Variants in REV3L observed in about 807,000 individuals in gnomAD.
The protein encoded by REV3L is REV3 like, DNA directed polymerase zeta catalytic subunit, also known as DNA polymerase zeta catalytic subunit.
REV3L carries 69 observed loss-of-function variants against 299.4 expected under a neutral mutation model. The observed-to-expected ratio is 0.23, with a 90% CI of 0.19 to 0.28. The LOEUF (loss-of-function observed/expected upper bound fraction) is 0.28. Ranked by LOEUF, REV3L falls within the 10% of genes least tolerant of loss-of-function variation. The probability of loss-of-function intolerance (pLI) is 1.00; values close to 1 mark genes in which losing one functional copy is unlikely to be tolerated. For missense variants in REV3L, 3,128 were observed against 3,693.8 expected (o/e 0.85, Z 3.97); for synonymous variants, 1,238 against 1,271.4 (o/e 0.97, Z 0.56).
chr6:111,393,651 G>T (rs1021754274), intron 4 of REV3L, among the ~76,000 whole-genome samples: 1 of 151,872 alleles, frequency 6.6e-6, no homozygotes, highest in East Asian at 1.9e-4. Flanking sequence ...TATCTTCCTG[G>T]AACCCTTCCC....
intron 31 of REV3L, among the ~76,000 whole-genome samples, chr6:111,300,783 G>A (rs17511581): frequency 7.9e-4 from 120 of 152,148 alleles, no homozygotes; most frequent in South Asian, 4.2e-4. Context: ...CGTCATCTCC[G>A]TAAGCTGAGG....
chr6:111,392,024 T>C (rs192544810), intron 5 of REV3L, among the ~76,000 whole-genome samples: 53 of 152,350 alleles, frequency 3.5e-4, no homozygotes, highest in African/African-American at 1.2e-3. Flanking sequence ...TCTTCATTCA[T>C]ACAATTTAAC....
chr6:111,306,338 A>C (rs1053623981), intron 31 of REV3L, among the ~76,000 whole-genome samples: 3 of 152,184 alleles, frequency 2.0e-5, no homozygotes, highest in African/African-American at 7.2e-5. Context: ...CACAGACCTA[A>C]GAGAAGTTCA....
At chr6:111,395,155 T>G (rs774634410) in intron 4 of REV3L, among the ~76,000 whole-genome samples, 7 of 152,218 alleles carry the variant, frequency 4.6e-5, no homozygotes, top group Non-Finnish European at 7.3e-5. Flanking sequence ...TGTCTCCAAC[T>G]GTTCTTTTTG....
At chr6:111,454,814 G>A (rs1789982282) in intron 1 of REV3L, among the ~76,000 whole-genome samples, 2 of 152,078 alleles carry the variant, frequency 1.3e-5, no homozygotes, top group Admixed American at 6.6e-5. Flanking sequence ...TTACAGGCAT[G>A]TACCACCACA....
chr6:111,377,822 G>A lies in REV3L; in HGVS notation c.1476C>T (p.His492=). ...AGTCATCATCTTCAGTTGAACTTCT[G>A]TGGGTATTTCTGCACAGTGATCTGG... is the stretch of plus-strand genomic sequence containing the variant. ...AKKRSLCRNT[H]RSSTEDDDSS... is the part of the protein sequence containing the mutation. Residue 492 remains histidine (H), a synonymous_variant, in exon 12 of 32, where the codon CAC becomes CAT. Transcript: ENST00000368802. 2 of 1,612,768 alleles carry A rather than the reference G, an allele frequency of 1.2e-6. No homozygotes were observed. The highest frequency in any genetic ancestry group is 1.1e-5 in the South Asian group (1 of 90,848).
intron 26 of REV3L, among the ~76,000 whole-genome samples, chr6:111,322,266 T>A (rs1774268360): frequency 1.3e-5 from 2 of 152,196 alleles, no homozygotes; most frequent in Admixed American, 1.3e-4. Context: ...TTAAAAGTAG[T>A]TTCTTTAAAT....
intron 1 of REV3L, among the ~76,000 whole-genome samples, chr6:111,464,710 A>G (rs139334868): frequency 6.6e-6 from 1 of 152,320 alleles, no homozygotes; most frequent in Non-Finnish European, 1.5e-5. Context: ...TTTTCCAAAA[A>G]GGAAAACAGG....
chr6:111,403,008 G>A (rs1783245019), intron 4 of REV3L, among the ~76,000 whole-genome samples: 1 of 152,140 alleles, frequency 6.6e-6, no homozygotes, highest in Admixed American at 6.5e-5. Context: ...TCCATTAACT[G>A]GGATAGGAAT....
chr6:111,338,697 G>T (rs888176556), intron 21 of REV3L, among the ~76,000 whole-genome samples: 1 of 151,846 alleles, frequency 6.6e-6, no homozygotes. Context: ...AATCTTAAAG[G>T]TTCCTGATTT....
intron 1 of REV3L, among the ~76,000 whole-genome samples, chr6:111,440,379 G>GA (rs748869135): frequency 1.1e-4 from 16 of 152,192 alleles, no homozygotes; most frequent in Non-Finnish European, 1.5e-4. Flanking sequence ...CCAAAGCAAA[G>GA]ATTTTTATGC....
rs749743739 is a variant in REV3L at position 111,299,997 on chromosome 6, A to G, written c.*19T>C. ...AGCACTGAAAAAAATAGCACCTGTA[A>G]TACTGTGATATTGACAATTTAAAAC... On this transcript the variant is annotated 3_prime_UTR_variant, in exon 32 of 32. Coordinates refer to ENST00000368802, the MANE Select transcript of REV3L (RefSeq NM_001372078.1). The G allele has an allele frequency of 1.5e-5, 24 of 1,607,032 alleles. No individual in the cohort carries two copies. The highest frequency in any genetic ancestry group is 1.9e-5 in the Non-Finnish European group (22 of 1,177,104).
In REV3L at chr6:111,392,888, T is replaced by C; in HGVS notation, c.650A>G (p.Asp217Gly). The part of the protein sequence containing the change: ...LADTLFRWEQ[D>G]EIPSSLILEG... Reference sequence around the variant, plus strand: ...AACATTAACTAACCTTGGTATTTCATCTTGTTCCCACCGAAATAAAGTATC... The same window carrying C: ...AACATTAACTAACCTTGGTATTTCACCTTGTTCCCACCGAAATAAAGTATC... Residue 217 changes from aspartate (D) to glycine (G), a missense_variant, in exon 5 of 32, where the codon GAT (aspartate) becomes GGT (glycine). Physicochemically the swap from Asp to Gly is moderately conservative, Grantham distance 94. Around this residue, in one of 9 missense-constraint regions of REV3L, gnomAD observed 2,409 missense variants for 2,611.8 expected, o/e 0.92. Transcript: ENST00000368802. 6.2e-7 allele frequency: 1 copy of C among 1,607,624 alleles called. No homozygotes were observed. The highest frequency in any genetic ancestry group is 8.5e-7 in the Non-Finnish European group (1 of 1,174,192).
chr6:111,347,644 C>G (rs1265961547), intron 20 of REV3L, among the ~76,000 whole-genome samples: 1 of 152,144 alleles, frequency 6.6e-6, no homozygotes, highest in African/African-American at 2.4e-5. Context: ...TATCCAAAGT[C>G]CAAAGTCTAA....
Position 111,373,798 on chromosome 6 carries a change from T to C in REV3L, c.4557A>G (p.Ala1519=), listed in dbSNP as rs755716552. Residue 1519 remains alanine, a synonymous_variant, in exon 13 of 32, where the codon GCA becomes GCG. Transcript: ENST00000368802. The part of the protein sequence containing the change: ...CKNRNVSTPS[A]FGEGQSGLAV... The stretch of plus-strand genomic sequence containing the variant: ...CCAGTCCAGACTGTCCTTCACCAAA[T>C]GCTGAAGGTGTTGACACATTTCGAT... 1.2e-6 allele frequency: 2 copies of C among 1,614,210 alleles called. No individual in the cohort carries two copies. The highest frequency in any genetic ancestry group is 4.5e-5 in the East Asian group (2 of 44,886).
At chr6:111,310,469 T>A (rs530850762) in intron 29 of REV3L, 1 of 159,340 alleles carries the variant, frequency 6.3e-6, no homozygotes, top group Non-Finnish European at 1.4e-5. Context: ...TTGGGCAACA[T>A]AGCGAGACCC....
intron 1 of REV3L, among the ~76,000 whole-genome samples, chr6:111,480,194 A>C (rs1258954631): frequency 6.6e-6 from 1 of 152,228 alleles, no homozygotes; most frequent in Non-Finnish European, 1.5e-5. Context: ...CTTATATATG[A>C]AAAAAGTATG....
chr6:111,300,044 T>C lies in REV3L; in HGVS notation c.9365A>G (p.Tyr3122Cys). 6.2e-7 allele frequency: 1 copy of C among 1,613,406 alleles called. No homozygotes were observed. Among genetic ancestry groups the C allele is most frequent in the South Asian group, 1.1e-5 (1 of 90,922 alleles). Residue 3122 changes from tyrosine to cysteine, a missense_variant, in exon 32 of 32, where the codon TAT becomes TGT. Physicochemically the swap from Tyr to Cys is radical, Grantham distance 194. This residue lies in a region of REV3L where 294 missense variants were observed against 377.0 expected (regional missense o/e 0.78). Transcript: ENST00000368802. ...RVNRELSKAPYLRQLLDQF is the reference protein window; with the variant it reads ...RVNRELSKAPCLRQLLDQF ...AAACTGGTCTAATAACTGCCGGAGA[T>C]ATGGTGCCTTGGACAATTCTCTATT...
rs1295286557 is a variant in REV3L, at chr6:111,329,758, T to A, written c.8035-20A>T. On this transcript the variant is annotated intron_variant, in intron 24 of 31. Coordinates refer to ENST00000368802, the MANE Select transcript of REV3L (RefSeq NM_001372078.1). The stretch of plus-strand genomic sequence containing the variant: ...TGAAGGCTATCATAAAGAAAAAAAA[T>A]GTTTAAAACCCCTCAAACATTATAG... 2 of 1,560,066 alleles carry A rather than the reference T, an allele frequency of 1.3e-6. No homozygotes were observed. The highest frequency in any genetic ancestry group is 2.7e-5 in the African/African-American group (2 of 73,718).
Sources: allele counts gnomAD v4.1 joint callset (sites outside exome capture counted in the v4.1 genomes callset), GRCh38; gene constraint gnomAD v4.1.1; regional missense constraint gnomAD v4.1.1; transcripts MANE v1.5; gene names NCBI Gene and HGNC (gene_info 2026-07-23, HGNC 2026-07-21).